The following MACROD1 variants were observed in gnomAD, a reference collection of about 807,000 sequenced individuals.
MACROD1 encodes ADP-ribose glycohydrolase MACROD1.
In MACROD1, 31 loss-of-function variants were observed where a neutral mutation model predicts 41.4. The observed-to-expected ratio is 0.75, with a 90% confidence interval of 0.56 to 1.01. MACROD1 has a LOEUF of 1.01. Among genes scored for constraint, MACROD1 ranks in the 50% least tolerant of loss-of-function variants. The probability of loss-of-function intolerance (pLI) is 0.00; values close to 1 mark genes in which losing one functional copy is unlikely to be tolerated. For synonymous variants in MACROD1, 252 were observed against 203.4 expected (o/e 1.24, Z -2.03); for missense variants, 473 against 460.0 (o/e 1.03, Z -0.26).
chr11:64,152,277 C>A lies in MACROD1; in HGVS notation c.400+15G>T, dbSNP rs199790411. The A allele has an allele frequency of 3.1e-4, 507 of 1,613,604 alleles. No individual in the cohort carries two copies. The Middle Eastern group carries it at 3.6e-3, about 12-fold the overall frequency. On this transcript the variant is annotated intron_variant, in intron 2 of 10. Transcript: ENST00000255681. ...TGGAGCCTGCCCACCAGGGCCTCCC[C>A]CGAGCAGGGCCTACCTTTCGCCATC... is the stretch of plus-strand genomic sequence containing the variant.
chr11:64,084,018 G>C (rs941967963), intron 3 of MACROD1, among the ~76,000 whole-genome samples: 3 of 147,956 alleles, frequency 2.0e-5, no homozygotes, highest in African/African-American at 7.4e-5. Flanking sequence ...GCCTTTCACT[G>C]GTCCCTCAGG....
At chr11:64,130,367 C>T (rs777180043) in intron 3 of MACROD1, among the ~76,000 whole-genome samples, 5 of 152,228 alleles carry the variant, frequency 3.3e-5, no homozygotes, top group Non-Finnish European at 5.9e-5. Context: ...CCCTCCATGG[C>T]TGCTTTCCTG....
intron 3 of MACROD1, among the ~76,000 whole-genome samples, chr11:64,138,357 T>C (rs1239580547): frequency 1.3e-5 from 2 of 152,172 alleles, no homozygotes; most frequent in African/African-American, 2.4e-5. Context: ...CGGGGAAAGC[T>C]CCCCGCAGGC....
intron 3 of MACROD1, among the ~76,000 whole-genome samples, chr11:64,129,855 A>T (rs1176934913): frequency 6.6e-6 from 1 of 152,174 alleles, no homozygotes; most frequent in African/African-American, 2.4e-5. Context: ...TGGGCCGCAC[A>T]GGAGGGAATT....
At chr11:64,062,440 G>A (rs1943922424) in intron 3 of MACROD1, among the ~76,000 whole-genome samples, 1 of 152,150 alleles carries the variant, frequency 6.6e-6, no homozygotes, top group Admixed American at 6.5e-5. Flanking sequence ...ACTGGGCATA[G>A]GCGGAAGGCT....
intron 3 of MACROD1, among the ~76,000 whole-genome samples, chr11:64,031,811 T>C (rs1027814512): frequency 3.3e-5 from 5 of 152,176 alleles, no homozygotes; most frequent in African/African-American, 1.2e-4. Flanking sequence ...GCTGGCCTGG[T>C]GTCCCTGAAG....
chr11:64,136,991 T>G (rs1353904195), intron 3 of MACROD1, among the ~76,000 whole-genome samples: 2 of 152,152 alleles, frequency 1.3e-5, no homozygotes, highest in African/African-American at 2.4e-5. Flanking sequence ...GGTGCTGAAT[T>G]CATGCAGCCG....
At chr11:64,040,756 G>A (rs1007483899) in intron 3 of MACROD1, among the ~76,000 whole-genome samples, 6 of 152,188 alleles carry the variant, frequency 3.9e-5, no homozygotes, top group African/African-American at 1.4e-4. Context: ...AATGTTCCCG[G>A]TGCAGGGAAG....
chr11:64,115,231 A>C (rs1944955835), intron 3 of MACROD1, among the ~76,000 whole-genome samples: 1 of 152,220 alleles, frequency 6.6e-6, no homozygotes, highest in African/African-American at 2.4e-5. Flanking sequence ...ACCACTATGA[A>C]CAGTAAAATA....
At chr11:64,163,828 T>C (rs1454148314) in intron 1 of MACROD1, among the ~76,000 whole-genome samples, 1 of 152,190 alleles carries the variant, frequency 6.6e-6, no homozygotes, top group Non-Finnish European at 1.5e-5. Flanking sequence ...AGATAACTAT[T>C]GGGGGATCTC....
chr11:64,111,693 C>G (rs1434741844), intron 3 of MACROD1, among the ~76,000 whole-genome samples: 1 of 152,198 alleles, frequency 6.6e-6, no homozygotes, highest in African/African-American at 2.4e-5. Context: ...GTCACCCCAC[C>G]ACCTAGGCTT....
rs1945491856 is a variant in MACROD1, at chr11:64,146,102, G to A, written c.517+5137C>T. On this transcript the variant is annotated intron_variant, in intron 3 of 10. Transcript: ENST00000255681. The surrounding 1 kb of genome is among the most constrained non-coding windows in gnomAD (Gnocchi z 4.7). The stretch of plus-strand genomic sequence containing the variant: ...GGGATCTTTCTTTGTGCCCGGACAT[G>A]TCCTGCCCAGGACTCTGCTATCTGT... Among the ~76,000 whole-genome samples, 1 of 152,184 alleles carries A rather than the reference G, an allele frequency of 6.6e-6. No individual in the cohort carries two copies. Among genetic ancestry groups the A allele is most frequent in the Non-Finnish European group, 1.5e-5 (1 of 68,038 alleles).
At chr11:64,078,888 C>CA (rs1434140537) in intron 3 of MACROD1, among the ~76,000 whole-genome samples, 1 of 152,182 alleles carries the variant, frequency 6.6e-6, no homozygotes, top group African/African-American at 2.4e-5. Flanking sequence ...AGCGAGAACT[C>CA]AGAGTGGGAG....
chr11:64,113,811 A>G (rs62644043), intron 3 of MACROD1, among the ~76,000 whole-genome samples: 77,335 of 139,146 alleles, frequency 0.56, 23,590 homozygotes, highest in Non-Finnish European at 0.69. Flanking sequence ...TGGATGAATG[A>G]ACAGGTGGAC....
chr11:64,002,878 A>G (rs1942849610), intron 4 of MACROD1, among the ~76,000 whole-genome samples: 1 of 152,088 alleles, frequency 6.6e-6, no homozygotes. Flanking sequence ...CAGCTGGAAA[A>G]GACCAGCAGC....
At chr11:64,104,497 G>T (rs1007644424) in intron 3 of MACROD1, among the ~76,000 whole-genome samples, 5 of 152,134 alleles carry the variant, frequency 3.3e-5, no homozygotes, top group Non-Finnish European at 7.3e-5. Flanking sequence ...CTGCAGCAGG[G>T]TGGAGGAATC....
chr11:64,154,953 A>G (rs1214949912), intron 1 of MACROD1, among the ~76,000 whole-genome samples: 1 of 152,178 alleles, frequency 6.6e-6, no homozygotes, highest in Non-Finnish European at 1.5e-5. Flanking sequence ...TCCTGACCTC[A>G]AGCAATCCAC....
intron 3 of MACROD1, among the ~76,000 whole-genome samples, chr11:64,097,241 G>A (rs1247751964): frequency 1.3e-5 from 2 of 152,248 alleles, no homozygotes; most frequent in African/African-American, 2.4e-5. Flanking sequence ...GCTGGGTCCA[G>A]TGGGGCAGGT....
chr11:64,128,678 C>G (rs1945222279), intron 3 of MACROD1, among the ~76,000 whole-genome samples: 1 of 151,916 alleles, frequency 6.6e-6, no homozygotes, highest in Non-Finnish European at 1.5e-5. Context: ...CCCTCCACGC[C>G]TGACACCCCC....
Sources: gnomAD v4.1 joint callset for allele counts (sites outside exome capture counted in the v4.1 genomes callset) on GRCh38, gnomAD v4.1.1 for gene constraint, Gnocchi (gnomAD v3.1) non-coding constraint, MANE v1.5 for transcripts, NCBI Gene and HGNC (gene_info 2026-07-23, HGNC 2026-07-21) for gene names.